Variants in IFT122 observed in about 807,000 individuals in gnomAD.
IFT122 encodes the protein intraflagellar transport protein 122 homolog.
In IFT122, 118 loss-of-function variants were observed where a neutral mutation model predicts 161.6. The observed-to-expected ratio is 0.73, with a 90% CI of 0.63 to 0.85. IFT122 has a LOEUF of 0.85. Ranked by LOEUF, IFT122 falls within the 40% of genes least tolerant of loss-of-function variation. The pLI, the probability that IFT122 is intolerant of heterozygous loss-of-function variation, is 0.00. For missense variants in IFT122, 1,381 were observed against 1,579.6 expected (o/e 0.87, Z 2.13); for synonymous variants, 550 against 602.4 (o/e 0.91, Z 1.27).
chr3:129,451,997 T>C lies in IFT122; in HGVS notation c.192T>C (p.Asp64=), dbSNP rs752804124. ...DTVYCVAYAK[D]GKRFASGSAD... ...TGTACTGTGTGGCATATGCGAAGGA[T>C]GGTAAAAGGCTGCTCTGGGTTTCCA... The change falls in exon 3 of 30, where the codon GAT becomes GAC. Residue 64 remains aspartate (D), a splice_region_variant and synonymous_variant. Coordinates refer to ENST00000348417, the MANE Select transcript of IFT122 (RefSeq NM_052989.3). 3.7e-6 allele frequency: 6 copies of C among 1,611,748 alleles called. No homozygotes were observed. The Admixed American group carries it at 5.0e-5, about 13-fold the overall frequency.
rs74486546 is a variant in IFT122 at position 129,515,164 on chromosome 3, G to A, written c.3154-324G>A. 0.011 allele frequency: 5,189 copies of A among 487,832 alleles called. 196 individuals carry two copies. The highest frequency in any genetic ancestry group is 0.089 in the African/African-American group (4,582 of 51,370). 30.2% of individuals were successfully genotyped at this position (487,832 alleles called of 1,614,324 possible). A position where few individuals can be genotyped will look rare whatever the true frequency, so the allele number is the denominator to read the frequency against. On this transcript the variant is annotated intron_variant, in intron 25 of 29. Coordinates refer to ENST00000348417, the MANE Select transcript of IFT122 (RefSeq NM_052989.3). ...TGAGCCAGTATAGTCCACGTGCTCC[G>A]CACGGTGCCCGGAGCATGGTAAATG... is the stretch of plus-strand genomic sequence containing the variant.
At chr3:129,464,213 G>A (rs528701679) in intron 6 of IFT122, among the ~76,000 whole-genome samples, 15 of 152,154 alleles carry the variant, frequency 9.9e-5, no homozygotes, top group Non-Finnish European at 2.1e-4. Flanking sequence ...TATCCCTTCC[G>A]TTCAGCATCT....
intron 17 of IFT122, among the ~76,000 whole-genome samples, chr3:129,494,212 GT>G (rs554860543): frequency 3.7e-5 from 5 of 136,710 alleles, no homozygotes; most frequent in Non-Finnish European, 6.5e-5. Flanking sequence ...TTGTTTGTTT[GT>G]TTGTTTTTTT....
At chr3:129,516,357 GA>G (rs1305699850) in intron 26 of IFT122, among the ~76,000 whole-genome samples, 1 of 73,950 alleles carries the variant, frequency 1.4e-5, no homozygotes, top group African/African-American at 5.8e-5. Flanking sequence ...CACACACACA[GA>G]GACTGCCCCT....
chr3:129,447,762 C>T (rs1318435409), intron 1 of IFT122, among the ~76,000 whole-genome samples: 2 of 152,156 alleles, frequency 1.3e-5, no homozygotes, highest in Non-Finnish European at 2.9e-5. Flanking sequence ...CCGCCCGCCT[C>T]GGCCTCCCAA....
intron 27 of IFT122, 36 bp downstream of exon 27, chr3:129,517,630 C>CTG (rs764168701): frequency 3.9e-5 from 62 of 1,607,178 alleles, no homozygotes; most frequent in Non-Finnish European, 5.1e-5. Context: ...GTGTGTGCGG[C>CTG]TGTGTGAGGG....
At chr3:129,446,793 G>C (rs771889364) in intron 1 of IFT122, among the ~76,000 whole-genome samples, 1 of 152,148 alleles carries the variant, frequency 6.6e-6, no homozygotes, top group Non-Finnish European at 1.5e-5. Flanking sequence ...ATATTTTACA[G>C]AGTTTGATTT....
chr3:129,459,301 T>G (rs112074075), intron 4 of IFT122: 2 of 453,434 alleles, frequency 4.4e-6, no homozygotes, highest in African/African-American at 4.0e-5. Flanking sequence ...TTGTTTTGTT[T>G]TGTTTTGAGA....
intron 23 of IFT122, among the ~76,000 whole-genome samples, chr3:129,511,845 G>T (rs2082873929): frequency 6.6e-6 from 1 of 152,234 alleles, no homozygotes; most frequent in Admixed American, 6.5e-5. Context: ...AAATGCCTCT[G>T]TTGAAAGACA....
chr3:129,514,965 A>G (rs1484017308), intron 25 of IFT122: 2 of 368,506 alleles, frequency 5.4e-6, no homozygotes, highest in Non-Finnish European at 1.0e-5. Context: ...CTCCCAACCC[A>G]CATTCCTTCA....
At chr3:129,480,136 G>A (rs1026669908) in intron 13 of IFT122, among the ~76,000 whole-genome samples, 4 of 152,176 alleles carry the variant, frequency 2.6e-5, no homozygotes, top group African/African-American at 7.2e-5. Flanking sequence ...CCACGTTTTG[G>A]CAGAGTTGAG....
chr3:129,464,876 C>A, intron 7 of IFT122, 95 bp downstream of exon 7: 1 of 1,374,434 alleles, frequency 7.3e-7, no homozygotes, highest in Non-Finnish European at 1.0e-6. Context: ...AGGCTTCTCA[C>A]CTCACTTGAA....
intron 8 of IFT122, among the ~76,000 whole-genome samples, chr3:129,468,175 A>T (rs944933561): frequency 6.6e-6 from 1 of 152,152 alleles, no homozygotes; most frequent in African/African-American, 2.4e-5. Flanking sequence ...AGTGCCTATG[A>T]CATTTGCCAC....
chr3:129,498,500 C>A (rs1358571757), intron 18 of IFT122, among the ~76,000 whole-genome samples: 1 of 152,168 alleles, frequency 6.6e-6, no homozygotes, highest in Non-Finnish European at 1.5e-5. Context: ...TTTGTCAGCT[C>A]CAGGGAGAAC....
At position 129,440,309 on chromosome 3, in the gene IFT122, C is replaced by T; in HGVS notation, c.-22C>T. The stretch of plus-strand genomic sequence containing the variant: ...AGACGCTGAGGCGGGTAGGAGGAGC[C>T]CGAGCCGTAAGGGAAGCCGTGATGA... On this transcript the variant is annotated 5_prime_UTR_variant, in exon 1 of 30. Transcript: ENST00000348417. The T allele has an allele frequency of 1.3e-6, 2 of 1,549,688 alleles. No individual in the cohort carries two copies. Among genetic ancestry groups the T allele is most frequent in the Non-Finnish European group, 1.7e-6 (2 of 1,146,774 alleles).
At chr3:129,480,722 G>A (rs1389871890) in intron 13 of IFT122, among the ~76,000 whole-genome samples, 1 of 152,164 alleles carries the variant, frequency 6.6e-6, no homozygotes, top group Non-Finnish European at 1.5e-5. Context: ...CGGAGGTCGT[G>A]TTCTTACTTA....
chr3:129,476,196 C>G (rs1236323516), intron 9 of IFT122, 119 bp from the exon 10 acceptor site: 2 of 1,075,294 alleles, frequency 1.9e-6, no homozygotes, highest in Non-Finnish European at 2.8e-6. Flanking sequence ...AAAAGGCTGG[C>G]CAGCTCTCCC....
chr3:129,446,981 A>G (rs1322567501), intron 1 of IFT122, among the ~76,000 whole-genome samples: 2 of 152,224 alleles, frequency 1.3e-5, no homozygotes, highest in South Asian at 2.1e-4. Context: ...ACCTGAACCA[A>G]TGAAATCCTC....
rs1246832850 is a variant in IFT122 at position 129,503,030 on chromosome 3, C to T, written c.2547+148C>T. ...TGGGCTGGCAGTCAGGTAACTTAACCTCGAATTCTCTGAGCCACAGAATCG... is the reference window on the plus strand; with the variant it reads ...TGGGCTGGCAGTCAGGTAACTTAACTTCGAATTCTCTGAGCCACAGAATCG... On this transcript the variant is annotated intron_variant, in intron 20 of 29. Transcript: ENST00000348417. The T allele has an allele frequency of 5.8e-6, 4 of 689,892 alleles. No homozygotes were observed. In the African/African-American group the frequency reaches 7.2e-5, roughly 12 times the overall value. 42.7% of individuals were successfully genotyped at this position (689,892 alleles called of 1,614,324 possible).
Sources: gnomAD v4.1 joint callset for allele counts (sites outside exome capture counted in the v4.1 genomes callset) on GRCh38, gnomAD v4.1.1 for gene constraint, MANE v1.5 for transcripts, NCBI Gene and HGNC (gene_info 2026-07-23, HGNC 2026-07-21) for gene names.